Variants in NUDCD1 observed in about 807,000 individuals in gnomAD.
NUDCD1 encodes the protein NudC domain containing 1, also known as nudC domain-containing protein 1.
Under a neutral mutation model 67.8 loss-of-function variants are expected in NUDCD1, and 60 were observed. The ratio of observed to expected loss-of-function variants is 0.88; its 90% CI spans 0.72 to 1.10. The LOEUF (loss-of-function observed/expected upper bound fraction) is 1.10. Among genes scored for constraint, NUDCD1 ranks in the 50% least tolerant of loss-of-function variants. The probability of loss-of-function intolerance (pLI) is 0.00; values close to 1 mark genes in which losing one functional copy is unlikely to be tolerated. For missense variants in NUDCD1, 643 were observed against 695.0 expected, an observed-to-expected ratio of 0.93 and a Z score of 0.84; for synonymous variants, 244 against 230.8, an observed-to-expected ratio of 1.06 and a Z score of -0.52.
intron 6 of NUDCD1, among the ~76,000 whole-genome samples, chr8:109,278,942 GTCGAAGCAGGCAGA>G (rs1814364461): frequency 6.6e-6 from 1 of 152,074 alleles, no homozygotes; most frequent in East Asian, 1.9e-4. Context: ...ACTTTGGGAG[GTCGAAGCAGGCAGA>G]TCGCTTGAGG....
At chr8:109,280,022 C>T (rs1037736053) in intron 6 of NUDCD1, among the ~76,000 whole-genome samples, 1 of 152,120 alleles carries the variant, frequency 6.6e-6, no homozygotes, top group Admixed American at 6.6e-5. Flanking sequence ...AAAATTACTA[C>T]AATTTACAAA....
chr8:109,298,144 C>T (rs934187329), intron 2 of NUDCD1, among the ~76,000 whole-genome samples: 3 of 152,116 alleles, frequency 2.0e-5, no homozygotes, highest in African/African-American at 4.8e-5. Flanking sequence ...GCAGAGCTCA[C>T]ATTAAGTTTG....
chr8:109,289,642 T>A (rs13270231), intron 5 of NUDCD1, 109 bp downstream of exon 5: 1 of 550,618 alleles, frequency 1.8e-6, no homozygotes, highest in Non-Finnish European at 3.1e-6. Context: ...AAAGAAAAAA[T>A]TATGCATCTA....
chr8:109,329,951 C>T (rs931479472), intron 1 of NUDCD1: 14 of 1,459,162 alleles, frequency 9.6e-6, no homozygotes, highest in African/African-American at 8.6e-5. Flanking sequence ...TATGGCAACG[C>T]ATAATACAGA....
intron 9 of NUDCD1, 63 bp from the exon 10 acceptor site, chr8:109,243,364 G>A: frequency 1.5e-6 from 2 of 1,295,844 alleles, no homozygotes; most frequent in Non-Finnish European, 2.1e-6. Context: ...GAAAAATGAT[G>A]ATTTAACATT....
intron 8 of NUDCD1, among the ~76,000 whole-genome samples, chr8:109,251,928 C>A (rs987325147): frequency 6.6e-6 from 1 of 152,040 alleles, no homozygotes; most frequent in Admixed American, 6.6e-5. Context: ...TAGCTGTATT[C>A]CACGTGTGCC....
intron 2 of NUDCD1, among the ~76,000 whole-genome samples, chr8:109,297,038 A>G (rs908859889): frequency 6.6e-6 from 1 of 152,214 alleles, no homozygotes; most frequent in Non-Finnish European, 1.5e-5. Context: ...CATGAGCCAG[A>G]CCACCCACCT....
intron 2 of NUDCD1, among the ~76,000 whole-genome samples, chr8:109,302,440 CCT>C (rs1815010937): frequency 6.6e-6 from 1 of 152,126 alleles, no homozygotes; most frequent in Admixed American, 6.5e-5. Flanking sequence ...TCCTGGGAAT[CCT>C]CCTTTTCTAC....
intron 1 of NUDCD1, among the ~76,000 whole-genome samples, chr8:109,329,433 CA>C (rs1470168718): frequency 1.3e-5 from 2 of 151,878 alleles, no homozygotes; most frequent in Non-Finnish European, 2.9e-5. Flanking sequence ...TCAAACTGCT[CA>C]AAACCAATGT....
At chr8:109,283,960 C>T (rs1814513433) in intron 5 of NUDCD1, among the ~76,000 whole-genome samples, 1 of 149,462 alleles carries the variant, frequency 6.7e-6, no homozygotes, top group African/African-American at 2.5e-5. Flanking sequence ...AAACATCCCA[C>T]TTGAAAGGCA....
intron 1 of NUDCD1, among the ~76,000 whole-genome samples, chr8:109,327,758 C>T (rs1815712821): frequency 6.6e-6 from 1 of 152,134 alleles, no homozygotes; most frequent in South Asian, 2.1e-4. Context: ...ATCTCCTGTC[C>T]ACTGGTGTTT....
intron 1 of NUDCD1, among the ~76,000 whole-genome samples, chr8:109,333,012 C>T (rs1327731026): frequency 6.6e-6 from 1 of 152,190 alleles, no homozygotes; most frequent in Non-Finnish European, 1.5e-5. Context: ...TCCTAACTAG[C>T]TAATAGTCCT....
At chr8:109,279,708 G>A (rs577678275) in intron 6 of NUDCD1, among the ~76,000 whole-genome samples, 7 of 152,020 alleles carry the variant, frequency 4.6e-5, no homozygotes, top group South Asian at 4.2e-4. Context: ...GCCTGGTCTC[G>A]GAAACCTCCG....
At chr8:109,286,456 G>A (rs1277530945) in intron 5 of NUDCD1, among the ~76,000 whole-genome samples, 1 of 151,756 alleles carries the variant, frequency 6.6e-6, no homozygotes, top group Non-Finnish European at 1.5e-5. Flanking sequence ...CAGACCAGTG[G>A]ACCAAGAAAT....
In NUDCD1 at chr8:109,321,216, T is replaced by C. The variant is rs1455207574; in HGVS notation, c.273+1093A>G. Among the ~76,000 whole-genome samples the C allele has an allele frequency of 2.6e-5, 4 of 152,308 alleles. No individual in the cohort carries two copies. In the East Asian group the frequency reaches 7.7e-4, roughly 29 times the overall value. On this transcript the variant is annotated intron_variant, in intron 2 of 9. Transcript: ENST00000239690. Reference sequence around the variant, plus strand: ...AAGGAATAGAGTACTTAGGAAGCTATTAACAGATTATTGGCTGTTTGAAGC... The same window carrying C: ...AAGGAATAGAGTACTTAGGAAGCTACTAACAGATTATTGGCTGTTTGAAGC...
intron 4 of NUDCD1, 100 bp from the exon 5 acceptor site, chr8:109,290,033 G>T: frequency 1.8e-6 from 1 of 559,372 alleles, no homozygotes. Flanking sequence ...TAAATAATTT[G>T]AATGTATTAT....
intron 2 of NUDCD1, among the ~76,000 whole-genome samples, chr8:109,312,932 A>G (rs1815291273): frequency 6.6e-6 from 1 of 152,232 alleles, no homozygotes; most frequent in African/African-American, 2.4e-5. Context: ...CCAGGCCAAT[A>G]TAAGCAGCTG....
intron 2 of NUDCD1, among the ~76,000 whole-genome samples, chr8:109,316,839 T>C (rs981225455): frequency 1.4e-4 from 21 of 152,260 alleles, no homozygotes; most frequent in African/African-American, 5.1e-4. Flanking sequence ...TTTTGGGAAA[T>C]GGTACCTTGA....
Position 109,242,548 on chromosome 8 carries a change from G to A in NUDCD1, c.*461C>T, listed in dbSNP as rs1813390469. 1 of 166,320 alleles carries A rather than the reference G, an allele frequency of 6.0e-6. No homozygotes were observed. The allele number at this position is 166,320 out of a possible 1,614,324, so 10.3% of individuals were successfully genotyped here. On this transcript the variant is annotated 3_prime_UTR_variant, in exon 10 of 10. Coordinates refer to ENST00000239690, the MANE Select transcript of NUDCD1 (RefSeq NM_032869.4). Reference sequence around the variant, plus strand: ...AAAATATTAGACCTGCTGTTCTCTAGCATTTCCTCCTCCATGTAGACTCAG... The same window carrying A: ...AAAATATTAGACCTGCTGTTCTCTAACATTTCCTCCTCCATGTAGACTCAG...
Sources: gnomAD v4.1 joint callset for allele counts (sites outside exome capture counted in the v4.1 genomes callset) on GRCh38, gnomAD v4.1.1 for gene constraint, MANE v1.5 for transcripts, NCBI Gene and HGNC (gene_info 2026-07-23, HGNC 2026-07-21) for gene names.